Variants in PDE3B observed in about 807,000 individuals in gnomAD.
The protein encoded by PDE3B is phosphodiesterase 3B, also known as cGMP-inhibited 3',5'-cyclic phosphodiesterase 3B.
PDE3B carries 66 observed loss-of-function variants against 116.8 expected under a neutral mutation model. The observed-to-expected ratio is 0.56, with a 90% confidence interval of 0.46 to 0.69. The LOEUF (loss-of-function observed/expected upper bound fraction) is 0.69, where lower values mean the gene tolerates loss of function less well. PDE3B is among the 30% of genes least tolerant of loss of function. PDE3B has a pLI of 0.00. For missense variants in PDE3B, 1,384 were observed against 1,368.1 expected (o/e 1.01, Z -0.18); for synonymous variants, 595 against 533.6 (o/e 1.12, Z -1.59).
chr11:14,881,357 T>C, the PDE3B span, among the ~76,000 whole-genome samples: 1 of 152,116 alleles, frequency 6.6e-6, no homozygotes, highest in African/African-American at 2.4e-5. Flanking sequence ...AATGCTGATA[T>C]TGCCTGCCTT....
At chr11:14,715,394 A>C (rs1360147530) in intron 1 of PDE3B, among the ~76,000 whole-genome samples, 2 of 152,192 alleles carry the variant, frequency 1.3e-5, no homozygotes, top group African/African-American at 2.4e-5. Context: ...ACCCATGAGC[A>C]TGGAATGTTC....
intron 10 of PDE3B, 145 bp from the exon 11 acceptor site, chr11:14,834,837 A>G (rs948821017): frequency 3.8e-5 from 18 of 468,308 alleles, no homozygotes; most frequent in African/African-American, 3.6e-4. Context: ...TTAATACATC[A>G]AGAGACTTTA....
At chr11:14,692,859 A>G (rs970485930) in intron 1 of PDE3B, among the ~76,000 whole-genome samples, 2 of 152,182 alleles carry the variant, frequency 1.3e-5, no homozygotes, top group Non-Finnish European at 2.9e-5. Context: ...CTTACCTTAA[A>G]TAGAAAGCCA....
chr11:14,723,643 C>T (rs1050847931), intron 1 of PDE3B, among the ~76,000 whole-genome samples: 2 of 151,940 alleles, frequency 1.3e-5, no homozygotes, highest in Non-Finnish European at 2.9e-5. Context: ...CACCTCTAGT[C>T]CTAGCTACTC....
chr11:14,850,840 G>GT (rs1565164787), intron 12 of PDE3B, among the ~76,000 whole-genome samples: 1 of 151,978 alleles, frequency 6.6e-6, no homozygotes, highest in Non-Finnish European at 1.5e-5. Flanking sequence ...GCTTTGTTTT[G>GT]TTTTTTGAGA....
chr11:14,697,677 G>A (rs1855249640), intron 1 of PDE3B, among the ~76,000 whole-genome samples: 1 of 151,994 alleles, frequency 6.6e-6, no homozygotes, highest in Admixed American at 6.6e-5. Flanking sequence ...GGGGAGGATT[G>A]GCATCATAGC....
intron 2 of PDE3B, among the ~76,000 whole-genome samples, chr11:14,782,228 T>C (rs915782873): frequency 8.5e-5 from 13 of 152,178 alleles, no homozygotes; most frequent in Non-Finnish European, 1.5e-4. Context: ...CAAGCTAGCA[T>C]TGACTTTCTT....
At chr11:14,896,210 A>C in the PDE3B span, among the ~76,000 whole-genome samples, 1 of 152,292 alleles carries the variant, frequency 6.6e-6, no homozygotes, top group Admixed American at 6.5e-5. Flanking sequence ...ATGCATGAAC[A>C]CTTCATGATC....
At chr11:14,743,876 C>T (rs994508404) in intron 1 of PDE3B, among the ~76,000 whole-genome samples, 3 of 152,194 alleles carry the variant, frequency 2.0e-5, no homozygotes, top group African/African-American at 7.2e-5. Flanking sequence ...TCTGCTCGCC[C>T]TCTGTGGGCT....
chr11:14,670,848 CATCTATCTTTGTTTA>C (rs1324921438), intron 1 of PDE3B, among the ~76,000 whole-genome samples: 3 of 151,692 alleles, frequency 2.0e-5, no homozygotes, highest in Non-Finnish European at 4.4e-5. Context: ...GCTTACATGT[CATCTATCTTTGTTTA>C]ATGATACGTA....
chr11:14,755,663 G>T (rs1212070227), intron 1 of PDE3B, among the ~76,000 whole-genome samples: 1 of 152,090 alleles, frequency 6.6e-6, no homozygotes, highest in Non-Finnish European at 1.5e-5. Context: ...TTCCCCAAAA[G>T]AATTCCATTC....
intron 12 of PDE3B, among the ~76,000 whole-genome samples, chr11:14,856,239 CTG>C (rs1236653744): frequency 6.6e-6 from 1 of 152,204 alleles, no homozygotes; most frequent in East Asian, 1.9e-4. Context: ...TCCACTGTGA[CTG>C]TAAGTTTCCT....
chr11:14,827,189 A>G (rs1021258797), intron 7 of PDE3B, among the ~76,000 whole-genome samples: 2 of 152,240 alleles, frequency 1.3e-5, no homozygotes, highest in African/African-American at 4.8e-5. Context: ...AGAACCATCT[A>G]GGAGAAACCC....
At chr11:14,774,083 A>G (rs1159895253) in intron 2 of PDE3B, 1 of 152,210 alleles carries the variant, frequency 6.6e-6, no homozygotes, top group Non-Finnish European at 1.5e-5. Flanking sequence ...CTAGAGGGAA[A>G]AGAGTAGCAC....
chr11:14,693,770 A>G (rs1432360234), intron 1 of PDE3B, among the ~76,000 whole-genome samples: 5 of 152,222 alleles, frequency 3.3e-5, no homozygotes, highest in Non-Finnish European at 5.9e-5. Flanking sequence ...GCCTGCAAAC[A>G]TAACATCCAT....
intron 1 of PDE3B, among the ~76,000 whole-genome samples, chr11:14,655,060 A>C (rs1473618254): frequency 6.6e-6 from 1 of 152,162 alleles, no homozygotes; most frequent in Non-Finnish European, 1.5e-5. Context: ...AGAAGCAAAA[A>C]CTTTGTTAAA....
In PDE3B at chr11:14,644,092, G is replaced by T; in HGVS notation, c.17G>T (p.Arg6Leu). 1 of 1,555,584 alleles carries T rather than the reference G, an allele frequency of 6.4e-7. No individual in the cohort carries two copies. Among genetic ancestry groups the T allele is most frequent in the Non-Finnish European group, 8.6e-7 (1 of 1,161,302 alleles). Residue 6 changes from arginine to leucine, a missense_variant, in exon 1 of 16, where the codon CGA becomes CTA. Coordinates refer to ENST00000282096, the MANE Select transcript of PDE3B (RefSeq NM_000922.4). ...GCCCCAGCCATGAGGAGGGACGAGC[G>T]AGACGCCAAAGCCATGCGGTCCCTG... is the stretch of plus-strand genomic sequence containing the variant. MRRDE[R>L]DAKAMRSLQP...
chr11:14,794,120 G>A (rs192742451), intron 4 of PDE3B, among the ~76,000 whole-genome samples: 153 of 152,134 alleles, frequency 1.0e-3, no homozygotes, highest in African/African-American at 3.2e-3. Context: ...GTTTGCTTTT[G>A]ACAACTCATT....
intron 4 of PDE3B, among the ~76,000 whole-genome samples, chr11:14,798,267 C>T (rs1358987777): frequency 2.0e-5 from 3 of 152,124 alleles, no homozygotes; most frequent in Non-Finnish European, 2.9e-5. Flanking sequence ...AGCCTTGCAT[C>T]GCAGGGATGA....
Sources: gnomAD v4.1 joint callset for allele counts (sites outside exome capture counted in the v4.1 genomes callset) on GRCh38, gnomAD v4.1.1 for gene constraint, MANE v1.5 for transcripts, NCBI Gene and HGNC (gene_info 2026-07-23, HGNC 2026-07-21) for gene names.